The following BRINP3 variants were observed in gnomAD, a reference collection of about 807,000 sequenced individuals.
The protein encoded by BRINP3 is BMP/retinoic acid inducible neural specific 3, also known as BMP/retinoic acid-inducible neural-specific protein 3.
A neutral mutation model predicts 71.0 loss-of-function variants in BRINP3; 19 were observed. The ratio of observed to expected loss-of-function variants is 0.27; its 90% CI spans 0.19 to 0.39. The LOEUF is 0.39. BRINP3 is among the 10% of genes least tolerant of loss of function. BRINP3 has a pLI of 1.00. For synonymous variants in BRINP3, 380 were observed against 337.7 expected, an observed-to-expected ratio of 1.13 and a Z score of -1.37; for missense variants, 959 against 940.8, an observed-to-expected ratio of 1.02 and a Z score of -0.25.
chr1:190,144,567 T>C (rs936569068), intron 7 of BRINP3, among the ~76,000 whole-genome samples: 4 of 152,140 alleles, frequency 2.6e-5, no homozygotes, highest in Non-Finnish European at 5.9e-5. Flanking sequence ...TTTTTTTCCA[T>C]TTTTGTATAA....
intron 2 of BRINP3, among the ~76,000 whole-genome samples, chr1:190,322,019 T>A (rs1353666737): frequency 6.6e-6 from 1 of 152,010 alleles, no homozygotes; most frequent in Non-Finnish European, 1.5e-5. Context: ...CATAAATCTA[T>A]TTTTATATAT....
At chr1:190,203,441 ATGTG>A (rs1219429142) in intron 6 of BRINP3, among the ~76,000 whole-genome samples, 5 of 142,958 alleles carry the variant, frequency 3.5e-5, no homozygotes, top group Non-Finnish European at 1.5e-5. Flanking sequence ...ATATATATGT[ATGTG>A]TGTGTGTATA....
At chr1:190,442,650 T>TTA (rs1156498379) in intron 2 of BRINP3, among the ~76,000 whole-genome samples, 1 of 152,104 alleles carries the variant, frequency 6.6e-6, no homozygotes, top group African/African-American at 2.4e-5. Flanking sequence ...AGTAAGGTAC[T>TTA]TACGTGTGTG....
intron 6 of BRINP3, among the ~76,000 whole-genome samples, chr1:190,162,140 T>A (rs1349477919): frequency 6.6e-6 from 1 of 151,730 alleles, no homozygotes; most frequent in Non-Finnish European, 1.5e-5. Context: ...AGGGCGTATC[T>A]GTCCAATATG....
chr1:190,195,917 C>T (rs1654437598), intron 6 of BRINP3, among the ~76,000 whole-genome samples: 1 of 152,014 alleles, frequency 6.6e-6, no homozygotes, highest in Non-Finnish European at 1.5e-5. Context: ...AACTCATGTT[C>T]AGCTACACAT....
intron 7 of BRINP3, among the ~76,000 whole-genome samples, chr1:190,100,712 C>T (rs1032086236): frequency 3.3e-5 from 5 of 152,062 alleles, no homozygotes; most frequent in African/African-American, 9.7e-5. Flanking sequence ...GCAACTGTGT[C>T]GTATATACTC....
At chr1:190,403,766 A>G (rs909550311) in intron 2 of BRINP3, among the ~76,000 whole-genome samples, 2 of 152,208 alleles carry the variant, frequency 1.3e-5, no homozygotes, top group African/African-American at 4.8e-5. Flanking sequence ...TTCTCTTCAA[A>G]TTCTCTGGAT....
At chr1:190,109,719 T>G (rs969838602) in intron 7 of BRINP3, among the ~76,000 whole-genome samples, 1 of 152,376 alleles carries the variant, frequency 6.6e-6, no homozygotes, top group East Asian at 1.9e-4. Context: ...AACTCATTCA[T>G]ACTCTCTTCT....
intron 6 of BRINP3, among the ~76,000 whole-genome samples, chr1:190,189,756 A>G (rs1489431444): frequency 2.0e-5 from 3 of 151,640 alleles, no homozygotes; most frequent in Non-Finnish European, 4.4e-5. Context: ...TATAATTACC[A>G]TTTCTTTAGG....
chr1:190,128,125 T>G (rs1231173862), intron 7 of BRINP3, among the ~76,000 whole-genome samples: 1 of 151,774 alleles, frequency 6.6e-6, no homozygotes, highest in Admixed American at 6.6e-5. Context: ...CATTTCTATC[T>G]CATACTTATT....
At chr1:190,272,165 TC>T (rs2102901111) in intron 3 of BRINP3, among the ~76,000 whole-genome samples, 1 of 151,682 alleles carries the variant, frequency 6.6e-6, no homozygotes, top group Non-Finnish European at 1.5e-5. Context: ...CTTACTTCTG[TC>T]GTGAAGAATA....
chr1:190,114,105 G>A (rs1483483506), intron 7 of BRINP3, among the ~76,000 whole-genome samples: 1 of 152,176 alleles, frequency 6.6e-6, no homozygotes, highest in Non-Finnish European at 1.5e-5. Context: ...TGGGGGCAGA[G>A]TTCTCATGAA....
chr1:190,184,030 A>G (rs1338687653), intron 6 of BRINP3, among the ~76,000 whole-genome samples: 1 of 152,114 alleles, frequency 6.6e-6, no homozygotes, highest in Non-Finnish European at 1.5e-5. Flanking sequence ...TTTCTGGAGC[A>G]TGTACCATAT....
chr1:190,194,180 G>T (rs1170800360), intron 6 of BRINP3, among the ~76,000 whole-genome samples: 1 of 152,016 alleles, frequency 6.6e-6, no homozygotes, highest in Non-Finnish European at 1.5e-5. Flanking sequence ...GCAGAGAAAA[G>T]GAAGACGCAA....
intron 7 of BRINP3, among the ~76,000 whole-genome samples, chr1:190,108,145 T>C (rs1390945183): frequency 6.6e-6 from 1 of 151,970 alleles, no homozygotes; most frequent in Non-Finnish European, 1.5e-5. Flanking sequence ...CCTTGATAGG[T>C]GAACTTCATC....
intron 6 of BRINP3, among the ~76,000 whole-genome samples, chr1:190,172,756 T>C (rs905249056): frequency 6.6e-6 from 1 of 152,162 alleles, no homozygotes; most frequent in Non-Finnish European, 1.5e-5. Flanking sequence ...CAGAAGTTTA[T>C]GATAACTGAA....
In BRINP3 at chr1:190,447,538, T is replaced by TATAAATATATATATAA. The variant is rs947994553; in HGVS notation, c.236+7116_236+7117insTTATATATATATTTAT. On this transcript the variant is annotated intron_variant, in intron 2 of 7. Transcript: ENST00000367462. ...AAACACCACTTTTGCACTATATATA[T>TATAAATATATATATAA]ATAAAATATATATATATAAATGTAC... 4.8e-5 allele frequency among the ~76,000 whole-genome samples: 7 copies of TATAAATATATATATAA among 147,162 alleles called. 1 individual carries two copies. The highest frequency in any genetic ancestry group is 4.1e-4 in the Admixed American group (6 of 14,636).
chr1:190,129,393 C>T (rs1654350644), intron 7 of BRINP3, among the ~76,000 whole-genome samples: 1 of 151,750 alleles, frequency 6.6e-6, no homozygotes, highest in Non-Finnish European at 1.5e-5. Context: ...CATTTTTGGT[C>T]ATCTACATGC....
chr1:190,456,831 A>G (rs908256974), intron 1 of BRINP3, among the ~76,000 whole-genome samples: 12 of 152,166 alleles, frequency 7.9e-5, no homozygotes, highest in African/African-American at 2.9e-4. Context: ...AGAATAAATT[A>G]TTCAAACCAC....
Sources: gnomAD v4.1 joint callset for allele counts (sites outside exome capture counted in the v4.1 genomes callset) on GRCh38, gnomAD v4.1.1 for gene constraint, MANE v1.5 for transcripts, NCBI Gene and HGNC (gene_info 2026-07-23, HGNC 2026-07-21) for gene names.